COL23A1: variants seen among roughly 807,000 people sequenced by gnomAD.
The protein encoded by COL23A1 is collagen type XXIII alpha 1 chain.
A neutral mutation model predicts 99.3 loss-of-function variants in COL23A1; 97 were observed. That is an observed-to-expected ratio of 0.98 (90% CI 0.83 to 1.16). COL23A1 has a LOEUF of 1.16. Ranked by LOEUF, COL23A1 falls within the 50% of genes most tolerant of loss-of-function variation. The pLI is 0.00. For missense variants in COL23A1, 762 were observed against 757.4 expected, an observed-to-expected ratio of 1.01 and a Z score of -0.07; for synonymous variants, 320 against 308.2, an observed-to-expected ratio of 1.04 and a Z score of -0.40.
At chr5:178,414,998 A>C (rs1581343637) in intron 2 of COL23A1, among the ~76,000 whole-genome samples, 1 of 152,114 alleles carries the variant, frequency 6.6e-6, no homozygotes. Flanking sequence ...CAGAAATGGC[A>C]CCCAAAATGC....
At chr5:178,394,491 T>C (rs934162496) in intron 2 of COL23A1, among the ~76,000 whole-genome samples, 1 of 152,222 alleles carries the variant, frequency 6.6e-6, no homozygotes, top group South Asian at 2.1e-4. Flanking sequence ...CACGGGGTAC[T>C]TTTCCTGCTC....
At position 178,293,299 on chromosome 5, in the gene COL23A1, G is replaced by A. The variant is rs763731343; in HGVS notation, c.407-2930C>T. ...GAGGTGAGAAGGGCTGGCTCTTGGC[G>A]CTGGCACAGATGGGGGCCTGGACAG... On this transcript the variant is annotated intron_variant, in intron 3 of 28. Coordinates refer to ENST00000390654, the MANE Select transcript of COL23A1 (RefSeq NM_173465.4). 4.6e-5 allele frequency among the ~76,000 whole-genome samples: 7 copies of A among 152,220 alleles called. No homozygotes were observed. The South Asian group carries it at 1.0e-3, about 23-fold the overall frequency.
At chr5:178,461,542 A>G (rs969272355) in intron 2 of COL23A1, among the ~76,000 whole-genome samples, 3 of 152,208 alleles carry the variant, frequency 2.0e-5, no homozygotes, top group East Asian at 1.9e-4. Flanking sequence ...AATAGCTTAG[A>G]TAACTGTGGG....
chr5:178,402,316 C>T (rs1363262798), intron 2 of COL23A1, among the ~76,000 whole-genome samples: 1 of 151,956 alleles, frequency 6.6e-6, no homozygotes, highest in African/African-American at 2.4e-5. Context: ...TGTGGTGAGA[C>T]CCTGTCTCTA....
At chr5:178,252,471 G>T in intron 17 of COL23A1, 73 bp downstream of exon 17, 1 of 1,424,090 alleles carries the variant, frequency 7.0e-7, no homozygotes. Flanking sequence ...CAGGGTCACA[G>T]AGCAGACAGG....
intron 2 of COL23A1, among the ~76,000 whole-genome samples, chr5:178,524,049 C>T (rs967982626): frequency 6.6e-6 from 1 of 152,210 alleles, no homozygotes; most frequent in Non-Finnish European, 1.5e-5. Context: ...ACGGGAGGGT[C>T]TCTGGTGTAT....
chr5:178,435,024 C>A (rs1418639988), intron 2 of COL23A1, among the ~76,000 whole-genome samples: 1 of 152,218 alleles, frequency 6.6e-6, no homozygotes, highest in Non-Finnish European at 1.5e-5. Flanking sequence ...CCAGCCAGCA[C>A]CGGATGCAGG....
chr5:178,582,500 G>GA (rs1000290864), intron 1 of COL23A1, among the ~76,000 whole-genome samples: 2 of 152,156 alleles, frequency 1.3e-5, no homozygotes, highest in African/African-American at 4.8e-5. Flanking sequence ...GGGCTCCTCT[G>GA]AAGGTGCAGG....
intron 2 of COL23A1, among the ~76,000 whole-genome samples, chr5:178,357,445 T>C (rs1761721677): frequency 6.6e-6 from 1 of 152,224 alleles, no homozygotes; most frequent in Admixed American, 6.5e-5. Flanking sequence ...TGCAGGCTCT[T>C]GCTGGGAACA....
chr5:178,541,745 CCAA>C (rs1400279462), intron 2 of COL23A1, among the ~76,000 whole-genome samples: 1 of 152,164 alleles, frequency 6.6e-6, no homozygotes, highest in Non-Finnish European at 1.5e-5. Flanking sequence ...ACCCAAATGC[CCAA>C]CAACAATGCA....
intron 5 of COL23A1, among the ~76,000 whole-genome samples, chr5:178,278,598 C>T (rs73342837): frequency 0.035 from 5,280 of 152,186 alleles, 335 homozygotes; most frequent in African/African-American, 0.12. Context: ...TCAGTGAGCC[C>T]GTGAGCCTGC....
At chr5:178,457,443 G>A (rs953599968) in intron 2 of COL23A1, among the ~76,000 whole-genome samples, 2 of 152,066 alleles carry the variant, frequency 1.3e-5, no homozygotes, top group African/African-American at 4.8e-5. Flanking sequence ...TCGAACCCCT[G>A]ACCTCAAGTG....
intron 27 of COL23A1, among the ~76,000 whole-genome samples, chr5:178,241,577 C>T (rs1460619590): frequency 2.0e-5 from 3 of 152,198 alleles, no homozygotes; most frequent in African/African-American, 7.2e-5. Context: ...GGGCTGGGCA[C>T]TCACTGCCTC....
chr5:178,556,331 A>C (rs1285528062), intron 2 of COL23A1, among the ~76,000 whole-genome samples: 4 of 152,164 alleles, frequency 2.6e-5, no homozygotes, highest in African/African-American at 9.7e-5. Flanking sequence ...CTTTAAAATT[A>C]GTTGAAATGG....
intron 2 of COL23A1, among the ~76,000 whole-genome samples, chr5:178,367,911 T>C (rs1301395671): frequency 1.3e-5 from 2 of 152,150 alleles, no homozygotes; most frequent in Non-Finnish European, 2.9e-5. Flanking sequence ...CCAGCTGCTG[T>C]CCTGGAGGGG....
At chr5:178,409,829 T>C (rs1486524405) in intron 2 of COL23A1, among the ~76,000 whole-genome samples, 3 of 152,166 alleles carry the variant, frequency 2.0e-5, no homozygotes, top group East Asian at 1.9e-4. Flanking sequence ...ACAGATAAAA[T>C]TGGATGCCTA....
rs1166246721 is a variant in COL23A1 at position 178,257,584 on chromosome 5, T to C, written c.730-17A>G. ...ATCGTCGCCCTGAGGAGAGGACACCTGGGGCTTGCCGGTCAGACCCTCGGG... is the reference window on the plus strand; with the variant it reads ...ATCGTCGCCCTGAGGAGAGGACACCCGGGGCTTGCCGGTCAGACCCTCGGG... On this transcript the variant is annotated splice_polypyrimidine_tract_variant and intron_variant, in intron 12 of 28. Coordinates refer to ENST00000390654, the MANE Select transcript of COL23A1 (RefSeq NM_173465.4). The C allele has an allele frequency of 6.4e-7, 1 of 1,553,486 alleles. No homozygotes were observed. The highest frequency in any genetic ancestry group is 1.4e-5 in the African/African-American group (1 of 73,386).
At chr5:178,509,688 C>T (rs1413616636) in intron 2 of COL23A1, among the ~76,000 whole-genome samples, 1 of 152,158 alleles carries the variant, frequency 6.6e-6, no homozygotes, top group Non-Finnish European at 1.5e-5. Flanking sequence ...TGTGGCCACA[C>T]GGCACTAACC....
chr5:178,497,358 G>T (rs571697689), intron 2 of COL23A1, among the ~76,000 whole-genome samples: 2 of 152,292 alleles, frequency 1.3e-5, no homozygotes, highest in African/African-American at 4.8e-5. Flanking sequence ...GGCTCATATA[G>T]TTCCACAGCA....
Sources: gnomAD v4.1 joint callset for allele counts (sites outside exome capture counted in the v4.1 genomes callset) on GRCh38, gnomAD v4.1.1 for gene constraint, MANE v1.5 for transcripts, NCBI Gene and HGNC (gene_info 2026-07-23, HGNC 2026-07-21) for gene names.